The following MYCBP2 variants were observed in gnomAD, a reference collection of about 807,000 sequenced individuals.
The protein encoded by MYCBP2 is MYC binding protein 2.
Under a neutral mutation model 525.3 loss-of-function variants are expected in MYCBP2, and 120 were observed. The ratio of observed to expected loss-of-function variants is 0.23; its 90% confidence interval spans 0.20 to 0.27. The LOEUF (loss-of-function observed/expected upper bound fraction) is 0.27. MYCBP2 is among the 10% of genes least tolerant of loss of function. The pLI is 1.00. For synonymous variants in MYCBP2, 1,894 were observed against 1,955.8 expected (o/e 0.97, Z 0.83); for missense variants, 4,149 against 5,657.1 (o/e 0.73, Z 8.55).
chr13:77,061,826 A>G (rs770969533), intron 74 of MYCBP2, 36 bp from the exon 75 acceptor site: 35 of 1,537,024 alleles, frequency 2.3e-5, no homozygotes, highest in Non-Finnish European at 3.1e-5. Context: ...TTAGATTAAC[A>G]AGCAAGTCTC....
At chr13:77,310,122 C>CA (rs2079990048) in intron 1 of MYCBP2, among the ~76,000 whole-genome samples, 2 of 151,534 alleles carry the variant, frequency 1.3e-5, no homozygotes, top group East Asian at 1.9e-4. Flanking sequence ...GAAAAACAGA[C>CA]AAAAAAAAGA....
Position 77,326,389 on chromosome 13 carries a change from G to GCA in MYCBP2, c.302+83_302+84dup, listed in dbSNP as rs1232602244. ...TAAATGCGCAGGTACACACACGCAA[G>GCA]CACACACACACGCGGGTGCACGCGC... is the stretch of plus-strand genomic sequence containing the variant. On this transcript the variant is annotated intron_variant, in intron 1 of 82. Transcript: ENST00000544440. The surrounding 1 kb of genome is among the most constrained non-coding windows in gnomAD (Gnocchi z 4.2). The GCA allele has an allele frequency of 3.5e-5, 46 of 1,325,658 alleles. No homozygotes were observed. Among genetic ancestry groups the GCA allele is most frequent in the East Asian group, 5.4e-5 (2 of 37,276 alleles). The allele number at this position is 1,325,658 out of a possible 1,614,324, so 82.1% of individuals were successfully genotyped here.
intron 21 of MYCBP2, among the ~76,000 whole-genome samples, chr13:77,213,780 C>A (rs1325910836): frequency 1.3e-5 from 2 of 152,184 alleles, no homozygotes; most frequent in Non-Finnish European, 2.9e-5. Flanking sequence ...CTCACATAAC[C>A]ACCTCAAAAG....
intron 3 of MYCBP2, among the ~76,000 whole-genome samples, chr13:77,283,700 C>G (rs891589947): frequency 2.0e-5 from 3 of 152,090 alleles, no homozygotes; most frequent in Non-Finnish European, 4.4e-5. Flanking sequence ...AGTTCGAGAC[C>G]AGCCTGGGCA....
intron 53 of MYCBP2, among the ~76,000 whole-genome samples, chr13:77,125,841 C>G (rs1455865064): frequency 6.6e-6 from 1 of 152,114 alleles, no homozygotes; most frequent in Non-Finnish European, 1.5e-5. Flanking sequence ...GAAAATGACC[C>G]TTACTGAGAA....
chr13:77,158,546 G>A (rs771200054), intron 44 of MYCBP2, among the ~76,000 whole-genome samples: 7 of 152,084 alleles, frequency 4.6e-5, no homozygotes, highest in East Asian at 3.8e-4. Context: ...GGGCTCAAGC[G>A]ATCCTTCTGC....
intron 2 of MYCBP2, among the ~76,000 whole-genome samples, chr13:77,294,444 T>G (rs2077956652): frequency 6.6e-6 from 1 of 151,762 alleles, no homozygotes; most frequent in Non-Finnish European, 1.5e-5. Context: ...AAACTACTCT[T>G]AAAAAGAAGA....
intron 68 of MYCBP2, among the ~76,000 whole-genome samples, chr13:77,070,957 T>C (rs1166851899): frequency 6.6e-6 from 1 of 152,188 alleles, no homozygotes; most frequent in Non-Finnish European, 1.5e-5. Flanking sequence ...TTTAATGTAG[T>C]CAATTTGAGT....
In MYCBP2 at chr13:77,270,433, T is replaced by A; in HGVS notation, c.1051A>T (p.Met351Leu). Residue 351 changes from methionine (M) to leucine (L), a missense_variant, in exon 6 of 83, where the codon ATG (methionine) becomes TTG (leucine). Physicochemically the swap from Met to Leu is conservative, Grantham distance 15 (BLOSUM62 2). Coordinates refer to ENST00000544440, the MANE Select transcript of MYCBP2 (RefSeq NM_015057.5). ...ATTTCTTTTAATGGCCACTTGTGCATTAAAGCTGCTTTCTTAATGCCATTA... is the reference window on the plus strand; with the variant it reads ...ATTTCTTTTAATGGCCACTTGTGCAATAAAGCTGCTTTCTTAATGCCATTA... Reference protein sequence around the residue: ...FSNGIKKAALMHKWPLKEISV... With the variant: ...FSNGIKKAALLHKWPLKEISV... 6.2e-7 allele frequency: 1 copy of A among 1,613,838 alleles called. No individual in the cohort carries two copies.
intron 62 of MYCBP2, among the ~76,000 whole-genome samples, chr13:77,084,393 T>C (rs1229479733): frequency 2.0e-5 from 3 of 152,190 alleles, no homozygotes; most frequent in Non-Finnish European, 4.4e-5. Flanking sequence ...GTGCATATAT[T>C]GATTACTGAT....
At chr13:77,057,627 G>A (rs894828798) in intron 78 of MYCBP2, among the ~76,000 whole-genome samples, 9 of 152,050 alleles carry the variant, frequency 5.9e-5, no homozygotes, top group Admixed American at 5.9e-4. Flanking sequence ...GCTACTGGGG[G>A]ATAATCTAAT....
At chr13:77,249,956 G>C (rs567591917) in intron 15 of MYCBP2, among the ~76,000 whole-genome samples, 6 of 152,152 alleles carry the variant, frequency 3.9e-5, no homozygotes. Flanking sequence ...GGGCGCGGTG[G>C]CTCACGCCTG....
chr13:77,213,641 T>C (rs1265954345), intron 21 of MYCBP2, among the ~76,000 whole-genome samples: 1 of 152,216 alleles, frequency 6.6e-6, no homozygotes, highest in Admixed American at 6.5e-5. Context: ...CAAAAATGTG[T>C]TAGATACCTG....
At chr13:77,062,564 C>G in intron 74 of MYCBP2, 32 bp downstream of exon 74, 2 of 1,567,534 alleles carry the variant, frequency 1.3e-6, no homozygotes, top group Non-Finnish European at 1.8e-6. Flanking sequence ...TAAAGGAAAG[C>G]AAGATAAATT....
chr13:77,275,922 TG>T (rs2154348854), intron 4 of MYCBP2, among the ~76,000 whole-genome samples: 1 of 152,298 alleles, frequency 6.6e-6, no homozygotes, highest in Non-Finnish European at 1.5e-5. Context: ...AGGTGGAAGT[TG>T]CAGTGAGCCA....
chr13:77,285,332 A>C (rs907191845), intron 3 of MYCBP2, among the ~76,000 whole-genome samples: 5 of 152,178 alleles, frequency 3.3e-5, no homozygotes, highest in African/African-American at 1.2e-4. Flanking sequence ...ATTCTAACTA[A>C]AAAGTAAATT....
chr13:77,122,251 G>A (rs1376033203), intron 54 of MYCBP2, among the ~76,000 whole-genome samples: 1 of 151,918 alleles, frequency 6.6e-6, no homozygotes, highest in East Asian at 1.9e-4. Context: ...ATTAATGCCA[G>A]CCAAAAAAGG....
chr13:77,115,439 GCA>G (rs1376986988), intron 55 of MYCBP2, among the ~76,000 whole-genome samples: 1 of 151,650 alleles, frequency 6.6e-6, no homozygotes, highest in Admixed American at 6.6e-5. Flanking sequence ...GTCTCTGTGT[GCA>G]CACACATAAG....
chr13:77,316,673 A>G (rs1267798047), intron 1 of MYCBP2, among the ~76,000 whole-genome samples: 2 of 144,876 alleles, frequency 1.4e-5, no homozygotes, highest in African/African-American at 4.9e-5. Context: ...GCCACTACAG[A>G]CGGTAAAATT....
Sources: allele counts gnomAD v4.1 joint callset (sites outside exome capture counted in the v4.1 genomes callset), GRCh38; gene constraint gnomAD v4.1.1; non-coding constraint Gnocchi (gnomAD v3.1); transcripts MANE v1.5; gene names NCBI Gene and HGNC (gene_info 2026-07-23, HGNC 2026-07-21).